PTPN11: variants seen among roughly 807,000 people sequenced by gnomAD.
The protein encoded by PTPN11 is protein tyrosine phosphatase non-receptor type 11, also known as tyrosine-protein phosphatase non-receptor type 11.
A neutral mutation model predicts 78.8 loss-of-function variants in PTPN11; 6 were observed. The ratio of observed to expected loss-of-function variants is 0.08; its 90% CI spans 0.04 to 0.15. The LOEUF is 0.15. Ranked by LOEUF, PTPN11 falls within the 10% of genes least tolerant of loss-of-function variation. The pLI, the probability that PTPN11 is intolerant of heterozygous loss-of-function variation, is 1.00. For missense variants in PTPN11, 386 were observed against 744.8 expected, an observed-to-expected ratio of 0.52 and a Z score of 5.61; for synonymous variants, 221 against 263.5, an observed-to-expected ratio of 0.84 and a Z score of 1.56.
chr12:112,424,906 T>C (rs2037585380), intron 1 of PTPN11, among the ~76,000 whole-genome samples: 1 of 146,944 alleles, frequency 6.8e-6, no homozygotes, highest in Admixed American at 6.9e-5. Context: ...TGTGTGTGTG[T>C]GTGTGTGTGT....
chr12:112,441,984 A>C (rs796825327), intron 1 of PTPN11, among the ~76,000 whole-genome samples: 2 of 151,316 alleles, frequency 1.3e-5, no homozygotes, highest in Non-Finnish European at 2.9e-5. Context: ...TCACTGTGTT[A>C]GCCAGGATGG....
chr12:112,425,318 G>A (rs544471075), intron 1 of PTPN11, among the ~76,000 whole-genome samples: 1 of 151,964 alleles, frequency 6.6e-6, no homozygotes, highest in East Asian at 1.9e-4. Flanking sequence ...AACTTTTTTT[G>A]TAGCCTTTTA....
At chr12:112,502,412 A>G (rs894187657) in intron 14 of PTPN11, among the ~76,000 whole-genome samples, 156 bp downstream of exon 14, 1 of 152,178 alleles carries the variant, frequency 6.6e-6, no homozygotes, top group African/African-American at 2.4e-5. Flanking sequence ...GACTGGTGAT[A>G]TCTATTGATT....
At chr12:112,488,537 A>C (rs1191708362) in intron 12 of PTPN11, 27 bp downstream of exon 12, 1 of 1,569,504 alleles carries the variant, frequency 6.4e-7, no homozygotes, top group South Asian at 1.1e-5. Context: ...GCAAGAAGCG[A>C]CAGTTTCTGT....
In PTPN11 at chr12:112,482,266, G is replaced by T; in HGVS notation, c.1224+61G>T. On this transcript the variant is annotated intron_variant, in intron 10 of 15. Coordinates refer to ENST00000351677, the MANE Select transcript of PTPN11 (RefSeq NM_002834.5). This position sits in a 1 kb window ranked among gnomAD's most constrained non-coding sequence, Gnocchi z 4.4. The stretch of plus-strand genomic sequence containing the variant: ...CTGTTGATGGTGTGTAGGAATTCAG[G>T]GTCTTGCCGTTACTCATGTTTGCAT... The T allele has an allele frequency of 1.3e-6, 2 of 1,570,236 alleles. No homozygotes were observed. Among genetic ancestry groups the T allele is most frequent in the African/African-American group, 2.7e-5 (2 of 73,994 alleles).
At chr12:112,493,369 A>C (rs779461826) in intron 13 of PTPN11, among the ~76,000 whole-genome samples, 42 of 151,004 alleles carry the variant, frequency 2.8e-4, no homozygotes, top group Non-Finnish European at 5.5e-4. Context: ...ACTCTTAGTA[A>C]ATTTTAAGTG....
intron 6 of PTPN11, among the ~76,000 whole-genome samples, chr12:112,470,848 C>T (rs537522270): frequency 6.6e-6 from 1 of 152,222 alleles, no homozygotes; most frequent in Non-Finnish European, 1.5e-5. Context: ...TCTTTTTGAA[C>T]CTCACCTTAA....
At chr12:112,465,546 C>CGTGGGACCCAGGTT (rs1482912490) in intron 6 of PTPN11, among the ~76,000 whole-genome samples, 1 of 152,156 alleles carries the variant, frequency 6.6e-6, no homozygotes. Context: ...TGCAAGGCAC[C>CGTGGGACCCAGGTT]GTGGGACCCA....
intron 7 of PTPN11, 62 bp from the exon 8 acceptor site, chr12:112,477,589 T>A (rs1592847195): frequency 7.5e-7 from 1 of 1,329,774 alleles, no homozygotes; most frequent in East Asian, 2.3e-5. Flanking sequence ...AGTAACTGAT[T>A]TGAACTGTTT....
chr12:112,432,216 A>C (rs192611630), intron 1 of PTPN11, among the ~76,000 whole-genome samples: 214 of 152,292 alleles, frequency 1.4e-3, no homozygotes, highest in African/African-American at 4.9e-3. Flanking sequence ...AAGTGAGGGA[A>C]AACAGGGGAT....
intron 6 of PTPN11, among the ~76,000 whole-genome samples, chr12:112,472,575 C>T (rs145375162): frequency 1.3e-5 from 2 of 151,954 alleles, no homozygotes; most frequent in African/African-American, 2.4e-5. Flanking sequence ...GCTCTTTCGC[C>T]CAGGCTGGAG....
chr12:112,500,265 C>A (rs11066327), intron 13 of PTPN11, among the ~76,000 whole-genome samples: 90 of 152,110 alleles, frequency 5.9e-4, no homozygotes, highest in African/African-American at 2.1e-3. Context: ...AACAAAAAAA[C>A]CAAATGTTCT....
At chr12:112,490,334 TCTC>T in intron 13 of PTPN11, among the ~76,000 whole-genome samples, 1 of 127,460 alleles carries the variant, frequency 7.8e-6, no homozygotes. Flanking sequence ...GAGAGAGAGG[TCTC>T]TCTCTGTTGC....
chr12:112,502,854 C>A (rs1190034092), intron 14 of PTPN11, among the ~76,000 whole-genome samples: 1 of 152,186 alleles, frequency 6.6e-6, no homozygotes, highest in Non-Finnish European at 1.5e-5. Flanking sequence ...CAAGAAGAAT[C>A]TAATTTTTCT....
intron 9 of PTPN11, among the ~76,000 whole-genome samples, 172 bp from the exon 10 acceptor site, chr12:112,481,902 G>C (rs1336992731): frequency 6.6e-6 from 1 of 152,202 alleles, no homozygotes; most frequent in Admixed American, 6.5e-5. Context: ...CCGAATGCCT[G>C]CTTTTCTTAT....
At chr12:112,423,316 TACTC>T (rs763959750) in intron 1 of PTPN11, among the ~76,000 whole-genome samples, 59 of 152,252 alleles carry the variant, frequency 3.9e-4, no homozygotes, top group Non-Finnish European at 7.6e-4. Flanking sequence ...AATAGAGTCT[TACTC>T]AGTCACCCAG....
chr12:112,451,500 C>G (rs2038078739), intron 3 of PTPN11, among the ~76,000 whole-genome samples: 1 of 152,200 alleles, frequency 6.6e-6, no homozygotes, highest in Non-Finnish European at 1.5e-5. Context: ...AGTATTGTCT[C>G]AAAGTCTGTC....
At chr12:112,459,231 C>T (rs937762443) in intron 6 of PTPN11, among the ~76,000 whole-genome samples, 1 of 152,012 alleles carries the variant, frequency 6.6e-6, no homozygotes, top group African/African-American at 2.4e-5. Flanking sequence ...TTTTAGAAAC[C>T]GCTCATCAAA....
intron 6 of PTPN11, among the ~76,000 whole-genome samples, chr12:112,472,065 C>T (rs2038426893): frequency 6.6e-6 from 1 of 152,096 alleles, no homozygotes; most frequent in Non-Finnish European, 1.5e-5. Flanking sequence ...GTCTTTAACT[C>T]CTGACTTCAG....
Sources: gnomAD v4.1 joint callset for allele counts (sites outside exome capture counted in the v4.1 genomes callset) on GRCh38, gnomAD v4.1.1 for gene constraint, Gnocchi (gnomAD v3.1) non-coding constraint, MANE v1.5 for transcripts, NCBI Gene and HGNC (gene_info 2026-07-23, HGNC 2026-07-21) for gene names.